Variants in NAV2 observed in about 807,000 individuals in gnomAD.
The protein encoded by NAV2 is neuron navigator 2, also known as helicase, APC down-regulated 1.
A neutral mutation model predicts 223.2 loss-of-function variants in NAV2; 54 were observed. The observed-to-expected ratio is 0.24, with a 90% confidence interval of 0.19 to 0.30. The LOEUF (loss-of-function observed/expected upper bound fraction) is 0.30, where lower values mean the gene tolerates loss of function less well. Among genes scored for constraint, NAV2 ranks in the 10% least tolerant of loss-of-function variants. The pLI is 1.00. For synonymous variants in NAV2, 1,279 were observed against 1,239.3 expected, an observed-to-expected ratio of 1.03 and a Z score of -0.67; for missense variants, 2,806 against 3,147.5, an observed-to-expected ratio of 0.89 and a Z score of 2.60.
chr11:20,071,568 C>T (rs1370810037), intron 22 of NAV2, among the ~76,000 whole-genome samples: 1 of 152,198 alleles, frequency 6.6e-6, no homozygotes, highest in Non-Finnish European at 1.5e-5. Context: ...AACTAATTTA[C>T]ACTCTCATCA....
chr11:19,844,154 T>C (rs1171234290), intron 3 of NAV2, among the ~76,000 whole-genome samples: 2 of 152,212 alleles, frequency 1.3e-5, no homozygotes, highest in East Asian at 3.8e-4. Context: ...GCTGGGCTGC[T>C]ATTTTTGCTG....
chr11:19,729,661 C>T (rs954920499), intron 1 of NAV2, among the ~76,000 whole-genome samples: 3 of 152,116 alleles, frequency 2.0e-5, no homozygotes, highest in African/African-American at 7.2e-5. Context: ...CCAGAGTGGG[C>T]TAGCAGAAAG....
chr11:19,997,103 A>G (rs533552167), intron 11 of NAV2, among the ~76,000 whole-genome samples: 23 of 152,300 alleles, frequency 1.5e-4, no homozygotes, highest in African/African-American at 5.3e-4. Flanking sequence ...TGGGCAACCT[A>G]TGAGTATGCA....
intron 1 of NAV2, among the ~76,000 whole-genome samples, chr11:19,600,497 A>C (rs2046323339): frequency 1.3e-5 from 2 of 152,178 alleles, no homozygotes; most frequent in Non-Finnish European, 2.9e-5. Flanking sequence ...TATTAATCTT[A>C]CTGATCCCCC....
chr11:19,822,783 C>T (rs2059446392), intron 1 of NAV2, among the ~76,000 whole-genome samples: 1 of 152,120 alleles, frequency 6.6e-6, no homozygotes, highest in Non-Finnish European at 1.5e-5. Flanking sequence ...AGCCATATTA[C>T]AAAACATATG....
intron 5 of NAV2, among the ~76,000 whole-genome samples, chr11:19,891,120 T>C (rs2041465664): frequency 6.6e-6 from 1 of 152,214 alleles, no homozygotes; most frequent in African/African-American, 2.4e-5. Flanking sequence ...AAGAAAAGTT[T>C]AAAGTGATTG....
At chr11:19,632,010 C>A (rs2047359995) in intron 1 of NAV2, among the ~76,000 whole-genome samples, 1 of 152,278 alleles carries the variant, frequency 6.6e-6, no homozygotes, top group Admixed American at 6.5e-5. Context: ...CTGCCCACTT[C>A]TTACTTTACT....
intron 1 of NAV2, among the ~76,000 whole-genome samples, chr11:19,717,107 T>G (rs973636270): frequency 2.0e-5 from 3 of 152,192 alleles, no homozygotes; most frequent in Admixed American, 1.3e-4. Context: ...TTGAGCTAGA[T>G]GAGGCTTAGC....
chr11:19,535,272 T>G (rs751519762), intron 1 of NAV2, among the ~76,000 whole-genome samples: 7 of 152,108 alleles, frequency 4.6e-5, no homozygotes, highest in African/African-American at 1.4e-4. Flanking sequence ...GCAGCTACTG[T>G]GGGAACCTTG....
chr11:19,492,959 C>G (rs2042679382), intron 1 of NAV2, among the ~76,000 whole-genome samples: 1 of 152,180 alleles, frequency 6.6e-6, no homozygotes, highest in African/African-American at 2.4e-5. Context: ...CACCTCAGCT[C>G]CTTAATGTCT....
chr11:20,082,620 A>G (rs746118846), intron 25 of NAV2: 5 of 1,612,106 alleles, frequency 3.1e-6, no homozygotes, highest in Admixed American at 3.3e-5. Context: ...ACCAACTTTA[A>G]TATCAGATAC....
intron 1 of NAV2, among the ~76,000 whole-genome samples, chr11:19,374,970 C>T (rs1039484370): frequency 2.6e-5 from 4 of 152,168 alleles, no homozygotes; most frequent in Admixed American, 6.5e-5. Flanking sequence ...CCCTTCTGAT[C>T]GGATACTGCC....
intron 8 of NAV2, among the ~76,000 whole-genome samples, chr11:19,946,152 C>G (rs1052248027): frequency 1.3e-5 from 2 of 152,212 alleles, no homozygotes; most frequent in African/African-American, 4.8e-5. Flanking sequence ...CTTGGCTTCT[C>G]CCACATGCTA....
intron 1 of NAV2, among the ~76,000 whole-genome samples, chr11:19,514,882 T>C (rs1565004210): frequency 6.6e-6 from 1 of 152,126 alleles, no homozygotes; most frequent in Non-Finnish European, 1.5e-5. Context: ...GAGGAGGAGT[T>C]TTTGGGGCCT....
intron 1 of NAV2, among the ~76,000 whole-genome samples, chr11:19,622,615 T>G (rs563399829): frequency 6.6e-6 from 1 of 152,006 alleles, no homozygotes; most frequent in African/African-American, 2.4e-5. Flanking sequence ...TCCATTTGCT[T>G]GGTAGATCTT....
In NAV2 at chr11:19,713,466, G is replaced by A; in HGVS notation, c.-230G>A. 2 of 1,335,568 alleles carry A rather than the reference G, an allele frequency of 1.5e-6. No homozygotes were observed. The highest frequency in any genetic ancestry group is 3.0e-5 in the African/African-American group (2 of 66,140). 82.7% of individuals were successfully genotyped at this position (1,335,568 alleles called of 1,614,324 possible). ...CCCGGCGGCAGCATCCGTCCAGGTG[G>A]GACCCGCTGAGCGCCGTGGCCAGTC... On this transcript the variant is annotated 5_prime_UTR_variant, in exon 1 of 38. Transcript: ENST00000349880. The surrounding 1 kb of genome is among the most constrained non-coding windows in gnomAD (Gnocchi z 7.2).
At chr11:19,517,343 C>T (rs111471831) in intron 1 of NAV2, among the ~76,000 whole-genome samples, 3 of 152,324 alleles carry the variant, frequency 2.0e-5, no homozygotes, top group Non-Finnish European at 4.4e-5. Context: ...TCTGAACTCT[C>T]ACACATCCTT....
At chr11:19,388,177 A>G (rs1458027609) in intron 1 of NAV2, among the ~76,000 whole-genome samples, 1 of 152,226 alleles carries the variant, frequency 6.6e-6, no homozygotes, top group Non-Finnish European at 1.5e-5. Context: ...TTTTAGAAAC[A>G]ATGTGCGAAT....
intron 1 of NAV2, among the ~76,000 whole-genome samples, chr11:19,724,849 T>G (rs147084385): frequency 6.6e-6 from 1 of 152,332 alleles, no homozygotes; most frequent in African/African-American, 2.4e-5. Flanking sequence ...AGACCTGGGT[T>G]AAGTTCCTAC....
Sources: gnomAD v4.1 joint callset for allele counts (sites outside exome capture counted in the v4.1 genomes callset) on GRCh38, gnomAD v4.1.1 for gene constraint, Gnocchi (gnomAD v3.1) non-coding constraint, MANE v1.5 for transcripts, NCBI Gene and HGNC (gene_info 2026-07-23, HGNC 2026-07-21) for gene names.